FLT3: variants seen among roughly 807,000 people sequenced by gnomAD.
FLT3 encodes the protein fms related receptor tyrosine kinase 3.
A neutral mutation model predicts 126.6 loss-of-function variants in FLT3; 46 were observed. The observed-to-expected ratio is 0.36, with a 90% CI of 0.29 to 0.46. FLT3 has a LOEUF of 0.46. Among genes scored for constraint, FLT3 ranks in the 20% least tolerant of loss-of-function variants. FLT3 has a pLI of 1.00. For synonymous variants in FLT3, 404 were observed against 434.4 expected (o/e 0.93, Z 0.87); for missense variants, 1,069 against 1,190.3 (o/e 0.90, Z 1.50).
At chr13:28,057,630 C>A (rs533398384) in intron 3 of FLT3, among the ~76,000 whole-genome samples, 168 bp from the exon 4 acceptor site, 2 of 152,132 alleles carry the variant, frequency 1.3e-5, no homozygotes, top group African/African-American at 4.8e-5. Flanking sequence ...TCAGCCTGGG[C>A]GTTGCTCGTT....
intron 4 of FLT3, among the ~76,000 whole-genome samples, chr13:28,055,744 A>T (rs1875944133): frequency 6.6e-6 from 1 of 152,216 alleles, no homozygotes; most frequent in Non-Finnish European, 1.5e-5. Context: ...GCAGATGCCC[A>T]CTTACCTTAT....
At chr13:28,051,546 C>CTTATAAGATAATT in intron 5 of FLT3, among the ~76,000 whole-genome samples, 1 of 98,940 alleles carries the variant, frequency 1.0e-5, no homozygotes, top group East Asian at 3.2e-4. Context: ...CTATAATTTC[C>CTTATAAGATAATT]CTTTTTTTTT....
intron 9 of FLT3, among the ~76,000 whole-genome samples, chr13:28,046,266 T>G (rs967936985): frequency 3.9e-5 from 6 of 152,216 alleles, no homozygotes; most frequent in African/African-American, 1.4e-4. Context: ...GACAACTCCA[T>G]GCAAACCCTG....
chr13:28,062,069 C>G lies in FLT3; in HGVS notation c.166G>C (p.Val56Leu). 4 of 1,611,070 alleles carry G rather than the reference C, an allele frequency of 2.5e-6. No homozygotes were observed. The highest frequency in any genetic ancestry group is 3.4e-6 in the Non-Finnish European group (4 of 1,179,134). Residue 56 changes from valine (V) to leucine (L), a missense_variant and splice_region_variant, in exon 3 of 24, where the codon GTA (valine) becomes CTA (leucine). Transcript: ENST00000241453. ...CCGAGGTCTTCCGGGGATTCTGATA[C>G]CTACGTTGCAGATAGAACAAAGTGA... ...SVGKSSSYPM[V>L]SESPEDLGCA...
In FLT3 at chr13:28,024,937, A is replaced by T. The variant is rs139724603; in HGVS notation, c.2214T>A (p.Pro738=). The T allele has an allele frequency of 3.5e-5, 56 of 1,604,020 alleles. No homozygotes were observed. The African/African-American group carries it at 6.8e-4, about 20-fold the overall frequency. The change falls in exon 18 of 24, where the codon CCT becomes CCA. Residue 738 remains proline, a synonymous_variant. Transcript: ENST00000241453. ...TFQSHPNSSM[P]GSREVQIHPD... is the part of the protein sequence containing the mutation. The stretch of plus-strand genomic sequence containing the variant: ...GGTGTATCTGAACTTCTCTTGAACC[A>T]GGCATGCTATTAAAAAATTTTGTTT...
chr13:28,082,681 T>C (rs1878410992), intron 1 of FLT3, among the ~76,000 whole-genome samples: 1 of 139,238 alleles, frequency 7.2e-6, no homozygotes, highest in African/African-American at 3.0e-5. Flanking sequence ...TTTTGTTTTG[T>C]TTTGTTTTGT....
intron 15 of FLT3, among the ~76,000 whole-genome samples, chr13:28,033,168 T>A (rs1040342022): frequency 3.6e-5 from 5 of 138,356 alleles, no homozygotes; most frequent in South Asian, 2.4e-4. Context: ...AAAAAAAAAA[T>A]TAGCCAATTG....
intron 2 of FLT3, among the ~76,000 whole-genome samples, chr13:28,065,645 GTAATAA>G (rs35748326): frequency 0.031 from 3,349 of 107,806 alleles, 189 homozygotes; most frequent in Admixed American, 0.04. Context: ...TTGTCTCAAA[GTAATAA>G]TAATAATAAT....
At chr13:28,075,681 C>T (rs1041486875) in intron 1 of FLT3, among the ~76,000 whole-genome samples, 48 of 151,182 alleles carry the variant, frequency 3.2e-4, no homozygotes, top group Non-Finnish European at 5.0e-4. Context: ...GCAGGGATCA[C>T]GCCATTGCAC....
In FLT3 at chr13:28,033,973, C is replaced by T. The variant is rs1442266284; in HGVS notation, c.1856G>A (p.Gly619Asp). ...TGCGTTCATCACTTTTCCAAAAGCA[C>T]CTGATCCTAGTACCTTCCCTGCAAA... ...NLEFGKVLGS[G>D]AFGKVMNATA... The change falls in exon 15 of 24, where the codon GGT (glycine) becomes GAT (aspartate). Residue 619 changes from glycine to aspartate, a missense_variant. By Grantham distance (94) the Gly-to-Asp change is moderately conservative (BLOSUM62 -1). Coordinates refer to ENST00000241453, the MANE Select transcript of FLT3 (RefSeq NM_004119.3). The T allele has an allele frequency of 3.1e-6, 5 of 1,614,044 alleles. No individual in the cohort carries two copies. The highest frequency in any genetic ancestry group is 4.2e-6 in the Non-Finnish European group (5 of 1,180,032).
At chr13:28,095,478 G>C (rs559645615) in intron 1 of FLT3, among the ~76,000 whole-genome samples, 1 of 152,088 alleles carries the variant, frequency 6.6e-6, no homozygotes, top group African/African-American at 2.4e-5. Context: ...GTTTTATCAC[G>C]TTGGCCAGGA....
chr13:28,062,788 A>C (rs1014703114), intron 2 of FLT3, among the ~76,000 whole-genome samples: 2 of 149,944 alleles, frequency 1.3e-5, no homozygotes, highest in South Asian at 2.1e-4. Flanking sequence ...ATACACAGAC[A>C]GTAAGAACAC....
At chr13:28,023,722 G>A (rs1872591200) in intron 18 of FLT3, among the ~76,000 whole-genome samples, 1 of 152,136 alleles carries the variant, frequency 6.6e-6, no homozygotes. Context: ...TGATTGATTA[G>A]TCAGGAGTTT....
chr13:28,012,660 C>A (rs1244955580), intron 23 of FLT3, among the ~76,000 whole-genome samples: 2 of 152,094 alleles, frequency 1.3e-5, no homozygotes, highest in African/African-American at 2.4e-5. Flanking sequence ...CTTAGCCAGG[C>A]GTGGTGGCTC....
intron 9 of FLT3, among the ~76,000 whole-genome samples, chr13:28,038,610 G>A (rs1426192320): frequency 1.1e-4 from 17 of 151,810 alleles, no homozygotes; most frequent in African/African-American, 3.4e-4. Flanking sequence ...CTGCCACCAC[G>A]CCCGGCTAAT....
At chr13:28,062,885 C>G (rs1876697818) in intron 2 of FLT3, among the ~76,000 whole-genome samples, 1 of 152,142 alleles carries the variant, frequency 6.6e-6, no homozygotes. Flanking sequence ...GGAACCAACC[C>G]TGCTGACATC....
chr13:28,082,736 C>T (rs1566103907), intron 1 of FLT3, among the ~76,000 whole-genome samples: 1 of 151,846 alleles, frequency 6.6e-6, no homozygotes, highest in South Asian at 2.1e-4. Context: ...CGGAGTCTTG[C>T]TCTGTCGCCC....
intron 22 of FLT3, 107 bp downstream of exon 22, chr13:28,015,050 C>T (rs888011742): frequency 2.9e-6 from 2 of 681,938 alleles, no homozygotes; most frequent in South Asian, 3.5e-5. Context: ...AAAAAGAATC[C>T]TATACGCTTT....
intron 1 of FLT3, among the ~76,000 whole-genome samples, chr13:28,091,980 G>GA (rs973851505): frequency 2.0e-5 from 3 of 152,174 alleles, no homozygotes; most frequent in Admixed American, 6.5e-5. Flanking sequence ...TGAGGCAGGA[G>GA]AATCACTTGA....
Sources: gnomAD v4.1 joint callset for allele counts (sites outside exome capture counted in the v4.1 genomes callset) on GRCh38, gnomAD v4.1.1 for gene constraint, MANE v1.5 for transcripts, NCBI Gene and HGNC (gene_info 2026-07-23, HGNC 2026-07-21) for gene names.